BCOR: variants seen among roughly 807,000 people sequenced by gnomAD.
BCOR encodes BCL-6 corepressor.
Under a neutral mutation model 86.7 loss-of-function variants are expected in BCOR, and 10 were observed. That is an observed-to-expected ratio of 0.12 (90% CI 0.07 to 0.20). BCOR has a LOEUF of 0.20. BCOR is among the 10% of genes least tolerant of loss of function. BCOR has a pLI of 1.00. For synonymous variants in BCOR, 611 were observed against 609.0 expected, an observed-to-expected ratio of 1.00 and a Z score of -0.05; for missense variants, 1,259 against 1,452.1, an observed-to-expected ratio of 0.87 and a Z score of 2.16.
intron 1 of BCOR, among the ~76,000 whole-genome samples, chrX:40,112,143 A>G (rs890218512): frequency 9.0e-6 from 1 of 111,409 alleles, no homozygotes; most frequent in Non-Finnish European, 1.9e-5. Context: ...GCTTGCTCAC[A>G]GGGTTTTCAT....
At chrX:40,053,549 G>A (rs1934431632) in intron 14 of BCOR, among the ~76,000 whole-genome samples, 2 of 111,840 alleles carry the variant, frequency 1.8e-5, no homozygotes, top group African/African-American at 6.5e-5. Flanking sequence ...GCAGTCCTAG[G>A]GAGGACACCT....
At chrX:40,135,925 T>C (rs768875805) in intron 1 of BCOR, among the ~76,000 whole-genome samples, 1 of 112,371 alleles carries the variant, frequency 8.9e-6, no homozygotes, top group Non-Finnish European at 1.9e-5. Context: ...CAGCTAGAGA[T>C]ACATAGTTTT....
At position 40,097,794 on chromosome X, in the gene BCOR, C is replaced by T. The variant is rs1241586304; in HGVS notation, c.-620G>A. On this transcript the variant is annotated 5_prime_UTR_variant, in exon 1 of 15. Coordinates refer to ENST00000378444, the MANE Select transcript of BCOR (RefSeq NM_001123385.2). Reference sequence around the variant, plus strand: ...GACAGCGCGGCTTGGGCTCTCCGCCCGGCGGCTCGCGGGCTCCCCCTCCGC... The same window carrying T: ...GACAGCGCGGCTTGGGCTCTCCGCCTGGCGGCTCGCGGGCTCCCCCTCCGC... Among the ~76,000 whole-genome samples, 1 of 109,917 alleles carries T rather than the reference C, an allele frequency of 9.1e-6. No homozygotes were observed. Among genetic ancestry groups the T allele is most frequent in the Non-Finnish European group, 1.9e-5 (1 of 51,951 alleles).
chrX:40,129,886 C>T (rs1937585305), intron 1 of BCOR, among the ~76,000 whole-genome samples: 1 of 110,993 alleles, frequency 9.0e-6, no homozygotes, highest in African/African-American at 3.3e-5. Context: ...ACCAAAAATA[C>T]AAAAATTAGC....
intron 1 of BCOR, among the ~76,000 whole-genome samples, chrX:40,108,943 T>G (rs1937245385): frequency 8.9e-6 from 1 of 112,750 alleles, no homozygotes. Flanking sequence ...ACATGCACAT[T>G]CGGTCCCGGG....
chrX:40,078,459 C>A (rs180786293), intron 1 of BCOR, among the ~76,000 whole-genome samples: 35 of 111,826 alleles, frequency 3.1e-4, no homozygotes, highest in African/African-American at 1.1e-3. Context: ...GTGAGGTGAG[C>A]GGCAGGTCCA....
chrX:40,065,254 G>A lies in BCOR; in HGVS notation c.3239-655C>T. ...GCAGACCCAGGCTGCTGGGAAGAGG[G>A]GCGTGGCAAAGCCAAAGGCAAGGTT... On this transcript the variant is annotated intron_variant, in intron 6 of 14. Coordinates refer to ENST00000378444, the MANE Select transcript of BCOR (RefSeq NM_001123385.2). 2.7e-5 allele frequency among the ~76,000 whole-genome samples: 3 copies of A among 112,408 alleles called. No homozygotes were observed. In the Admixed American group the frequency reaches 2.8e-4, roughly 10 times the overall value.
intron 1 of BCOR, among the ~76,000 whole-genome samples, chrX:40,105,736 G>T (rs1329158784): frequency 1.8e-5 from 2 of 112,312 alleles, no homozygotes; most frequent in Non-Finnish European, 3.8e-5. Context: ...GAAGCTCAGG[G>T]CCAGGAGCAG....
chrX:40,084,660 C>T (rs1396434999), intron 1 of BCOR, among the ~76,000 whole-genome samples: 1 of 110,764 alleles, frequency 9.0e-6, no homozygotes, highest in Non-Finnish European at 1.9e-5. Flanking sequence ...CTTTTGTTTC[C>T]ACCAGGGCTT....
rs1421393057 is a variant in BCOR, at chrX:40,072,636, G to A, written c.2710C>T (p.Pro904Ser). ...LPVSTPFLEP[P>S]LGSDGPAVTF... ...ACAGCAGGGCCATCGCTCCCCAGAG[G>A]TGGCTCCAGGAATGGAGTCGAGACT... Residue 904 changes from proline (P) to serine (S), a missense_variant, in exon 4 of 15, where the codon CCT becomes TCT. Coordinates refer to ENST00000378444, the MANE Select transcript of BCOR (RefSeq NM_001123385.2). 1.7e-6 allele frequency: 2 copies of A among 1,210,598 alleles called. No individual in the cohort carries two copies. Among genetic ancestry groups the A allele is most frequent in the Non-Finnish European group, 2.2e-6 (2 of 895,343 alleles).
At chrX:40,154,086 C>CCGAG (rs1245235722) in intron 1 of BCOR, among the ~76,000 whole-genome samples, 178 of 111,248 alleles carry the variant, frequency 1.6e-3, no homozygotes, top group African/African-American at 5.6e-3. Context: ...AGGGGCGCCA[C>CCGAG]CGAGCGTTCG....
intron 1 of BCOR, among the ~76,000 whole-genome samples, chrX:40,156,643 CCT>C (rs921943980): frequency 7.1e-5 from 8 of 112,722 alleles, no homozygotes; most frequent in Admixed American, 2.8e-4. Flanking sequence ...CTCCCCAACC[CCT>C]GACAGGAGTC....
chrX:40,172,610 G>C (rs79990348), intron 1 of BCOR, among the ~76,000 whole-genome samples: 1 of 112,948 alleles, frequency 8.9e-6, no homozygotes, highest in Non-Finnish European at 1.9e-5. Context: ...GAGAGTGATC[G>C]TGAGCAACCC....
At chrX:40,131,040 C>T (rs1937595832) in intron 1 of BCOR, among the ~76,000 whole-genome samples, 2 of 111,864 alleles carry the variant, frequency 1.8e-5, no homozygotes, top group African/African-American at 3.2e-5. Context: ...CACTCATGAC[C>T]GTGAGACAGA....
In BCOR at chrX:40,076,653, G is replaced by A. The variant is rs550484908; in HGVS notation, c.87-121C>T. 421 of 505,220 alleles carry A rather than the reference G, an allele frequency of 8.3e-4. 1 individual carries two copies. In the South Asian group the frequency reaches 0.01, roughly 12 times the overall value. The allele number at this position is 505,220 out of a possible 1,213,427, so 41.6% of individuals were successfully genotyped here. On this transcript the variant is annotated intron_variant, in intron 2 of 14. Transcript: ENST00000378444. ...TTTTTAAAACTGTCCTTAACCCTCC[G>A]CCCCCACCAGCTGTCAATGGCCCAT...
chrX:40,128,733 C>G (rs1422358060), intron 1 of BCOR, among the ~76,000 whole-genome samples: 1 of 111,402 alleles, frequency 9.0e-6, no homozygotes, highest in Non-Finnish European at 1.9e-5. Context: ...GCTCCCTATG[C>G]AAGTCATACC....
intron 1 of BCOR, among the ~76,000 whole-genome samples, chrX:40,151,143 C>T (rs764463211): frequency 2.7e-5 from 3 of 111,904 alleles, no homozygotes; most frequent in African/African-American, 6.5e-5. Context: ...GCACTTCCCC[C>T]CTGGACCCAC....
At position 40,072,469 on chromosome X, in the gene BCOR, T is replaced by A. The variant is rs763853464; in HGVS notation, c.2877A>T (p.Pro959=). 8.3e-7 allele frequency: 1 copy of A among 1,211,769 alleles called. No individual in the cohort carries two copies. Among genetic ancestry groups the A allele is most frequent in the Non-Finnish European group, 1.1e-6 (1 of 895,455 alleles). The change falls in exon 4 of 15, where the codon CCA becomes CCT. Residue 959 remains proline, a synonymous_variant. Coordinates refer to ENST00000378444, the MANE Select transcript of BCOR (RefSeq NM_001123385.2). ...TGGCGATTCTCTTTGCCAGCTTAGA[T>A]GGCTTCGGTTTCAGAACTTTGCCAT... is the stretch of plus-strand genomic sequence containing the variant. The part of the protein sequence containing the change: ...SNDGKVLKPK[P]SKLAKRIANS...
Position 40,054,314 on chromosome X carries a change from C to T in BCOR, c.4761G>A (p.Gln1587=), listed in dbSNP as rs767974035. ...KFLTDYLNDL[Q]GRNDDDASGT... ...CACTGGCGTCATCATCATTGCGACC[C>T]TGGAGGTCATTTAAATAATCTGGAG... Residue 1587 remains glutamine (Q), a synonymous_variant, in exon 13 of 15, where the codon CAG becomes CAA. Coordinates refer to ENST00000378444, the MANE Select transcript of BCOR (RefSeq NM_001123385.2). 8.3e-7 allele frequency: 1 copy of T among 1,203,254 alleles called. No homozygotes were observed. Among genetic ancestry groups the T allele is most frequent in the Non-Finnish European group, 1.1e-6 (1 of 890,182 alleles).
Sources: gnomAD v4.1 joint callset for allele counts (sites outside exome capture counted in the v4.1 genomes callset) on GRCh38, gnomAD v4.1.1 for gene constraint, MANE v1.5 for transcripts, NCBI Gene and HGNC (gene_info 2026-07-23, HGNC 2026-07-21) for gene names.